Variants in SLC11A2 observed in about 807,000 individuals in gnomAD.
The protein encoded by SLC11A2 is solute carrier family 11 member 2, also known as natural resistance-associated macrophage protein 2.
In SLC11A2, 38 loss-of-function variants were observed where a neutral mutation model predicts 68.0. The observed-to-expected ratio is 0.56, with a 90% CI of 0.43 to 0.73. The LOEUF (loss-of-function observed/expected upper bound fraction) is 0.73, where lower values mean the gene tolerates loss of function less well. SLC11A2 is among the 30% of genes least tolerant of loss of function. The pLI is 0.00. For missense variants in SLC11A2, 517 were observed against 690.5 expected, an observed-to-expected ratio of 0.75 and a Z score of 2.82; for synonymous variants, 242 against 250.6, an observed-to-expected ratio of 0.97 and a Z score of 0.32.
chr12:50,971,966 G>T, the SLC11A2 span, among the ~76,000 whole-genome samples: 3 of 152,340 alleles, frequency 2.0e-5, no homozygotes, highest in East Asian at 5.8e-4. Context: ...CTATCATGAA[G>T]ATCTTCTAGT....
At chr12:50,966,885 G>A in the SLC11A2 span, among the ~76,000 whole-genome samples, 1 of 152,170 alleles carries the variant, frequency 6.6e-6, no homozygotes. Flanking sequence ...GGAGGCCAAG[G>A]TGGGTAGATC....
downstream of SLC11A2, chr12:50,979,990 C>G: frequency 2.2e-6 from 1 of 452,784 alleles, no homozygotes; most frequent in Non-Finnish European, 4.4e-6. Flanking sequence ...CTTTGGGAGG[C>G]CAAGGCCAGC....
chr12:50,990,747 T>C (rs769612572), intron 15 of SLC11A2, 48 bp downstream of exon 15: 1 of 1,601,900 alleles, frequency 6.2e-7, no homozygotes, highest in East Asian at 2.2e-5. Context: ...GAACCCCACC[T>C]CAACCATCCC....
chr12:51,016,170 G>T (rs1048835915), intron 1 of SLC11A2, among the ~76,000 whole-genome samples: 1 of 152,180 alleles, frequency 6.6e-6, no homozygotes, highest in Non-Finnish European at 1.5e-5. Flanking sequence ...GGAGGCCAAG[G>T]CAGGCAGATT....
rs1363027768 is a variant in SLC11A2, at chr12:50,986,674, G to A, written c.*1651C>T. 3.5e-5 allele frequency: 45 copies of A among 1,286,610 alleles called. No individual in the cohort carries two copies. The highest frequency in any genetic ancestry group is 4.6e-5 in the Non-Finnish European group (45 of 988,370). 79.7% of individuals were successfully genotyped at this position (1,286,610 alleles called of 1,614,324 possible). The stretch of plus-strand genomic sequence containing the variant: ...ACAGAGTGCCTTTATGACCAGTTTG[G>A]AGAATTACGATGGTAAGGGGAAGAG... On this transcript the variant is annotated 3_prime_UTR_variant, in exon 16 of 16. Transcript: ENST00000262052.
downstream of SLC11A2, among the ~76,000 whole-genome samples, chr12:50,975,515 C>T (rs1216612378): frequency 1.3e-5 from 2 of 152,098 alleles, no homozygotes; most frequent in Non-Finnish European, 2.9e-5. Flanking sequence ...ATTTATAGCA[C>T]TAAATGCCCA....
At chr12:50,994,505 T>G (rs773157931) in intron 11 of SLC11A2, 39 bp downstream of exon 11, 1 of 1,296,016 alleles carries the variant, frequency 7.7e-7, no homozygotes, top group South Asian at 1.2e-5. Flanking sequence ...CTAAAAATAC[T>G]GATTCAGGAA....
At chr12:50,955,496 C>G in the SLC11A2 span, among the ~76,000 whole-genome samples, 1 of 152,220 alleles carries the variant, frequency 6.6e-6, no homozygotes, top group East Asian at 1.9e-4. Context: ...TTCATTTTGT[C>G]TGGAAACTAT....
chr12:50,971,476 T>C, the SLC11A2 span, among the ~76,000 whole-genome samples: 6 of 152,342 alleles, frequency 3.9e-5, no homozygotes, highest in Middle Eastern at 3.4e-3. Flanking sequence ...ACATTTCTTT[T>C]TCCTGAGATG....
intron 15 of SLC11A2, 33 bp from the exon 16 acceptor site, chr12:50,988,468 G>A (rs959069909): frequency 9.3e-6 from 15 of 1,613,068 alleles, no homozygotes; most frequent in African/African-American, 1.3e-5. Context: ...CACTCACCAG[G>A]CTCTTTGAAG....
At chr12:50,996,580 T>TA (rs761915241) in intron 9 of SLC11A2, among the ~76,000 whole-genome samples, 1,409 of 129,188 alleles carry the variant, frequency 0.011, 22 homozygotes, top group Admixed American at 0.048. Flanking sequence ...CATCTCAATT[T>TA]AAAAAAAAAA....
intron 1 of SLC11A2, among the ~76,000 whole-genome samples, chr12:51,022,160 G>A (rs1028628715): frequency 6.6e-6 from 1 of 152,068 alleles, no homozygotes; most frequent in African/African-American, 2.4e-5. Context: ...GAAGTTTACA[G>A]CAGTGTGTTT....
chr12:51,008,745 C>T, intron 2 of SLC11A2, 121 bp from the exon 3 acceptor site: 1 of 735,754 alleles, frequency 1.4e-6, no homozygotes, highest in Non-Finnish European at 2.4e-6. Context: ...CAACCTGACT[C>T]TAGCTCAATT....
intron 1 of SLC11A2, among the ~76,000 whole-genome samples, chr12:51,018,833 A>G (rs1943847345): frequency 6.6e-6 from 1 of 152,232 alleles, no homozygotes; most frequent in Admixed American, 6.6e-5. Context: ...AAATTCCCCT[A>G]TAGAGAATAA....
chr12:50,956,990 A>T, the SLC11A2 span, among the ~76,000 whole-genome samples: 11 of 143,840 alleles, frequency 7.6e-5, no homozygotes, highest in African/African-American at 2.0e-4. Context: ...TCATTTTGTT[A>T]TTTTTTTTTT....
chr12:50,981,697 T>G, downstream of SLC11A2: 1 of 1,451,896 alleles, frequency 6.9e-7, no homozygotes, highest in Non-Finnish European at 9.3e-7. Flanking sequence ...TAGAAAAACA[T>G]GTTCTTATAG....
chr12:50,990,887 C>T lies in SLC11A2; in HGVS notation c.1483G>A (p.Val495Ile). ...LIICSINMYF[V>I]VVYVRDLGHV... ...CCTAGGTCCCGGACATAAACCACTA[C>T]AAAGTACATATTGATGGAACAGATG... Residue 495 changes from valine (V) to isoleucine (I), a missense_variant, in exon 15 of 16, where the codon GTA becomes ATA. Physicochemically the swap from Val to Ile is conservative, Grantham distance 29. Coordinates refer to ENST00000262052, the MANE Select transcript of SLC11A2 (RefSeq NM_000617.3). 6.2e-7 allele frequency: 1 copy of T among 1,614,056 alleles called. No individual in the cohort carries two copies. The highest frequency in any genetic ancestry group is 8.5e-7 in the Non-Finnish European group (1 of 1,179,936).
chr12:50,993,421 G>A (rs1284211361), intron 11 of SLC11A2, among the ~76,000 whole-genome samples: 1 of 152,136 alleles, frequency 6.6e-6, no homozygotes, highest in East Asian at 1.9e-4. Flanking sequence ...GGCTGGGTAG[G>A]GTGGCTCACG....
At chr12:50,964,179 T>C in the SLC11A2 span, among the ~76,000 whole-genome samples, 13 of 152,206 alleles carry the variant, frequency 8.5e-5, no homozygotes, top group Non-Finnish European at 1.6e-4. Context: ...CATAAATGCA[T>C]TCATATCAAA....
Sources: gnomAD v4.1 joint callset for allele counts (sites outside exome capture counted in the v4.1 genomes callset) on GRCh38, gnomAD v4.1.1 for gene constraint, MANE v1.5 for transcripts, NCBI Gene and HGNC (gene_info 2026-07-23, HGNC 2026-07-21) for gene names.